CROCC2: variants seen among roughly 807,000 people sequenced by gnomAD.
CROCC2 encodes ciliary rootlet coiled-coil, rootletin family member 2.
Under a neutral mutation model 177.6 loss-of-function variants are expected in CROCC2, and 163 were observed. That is an observed-to-expected ratio of 0.92 (90% CI 0.81 to 1.05). The LOEUF (loss-of-function observed/expected upper bound fraction) is 1.05. CROCC2 is among the 50% of genes least tolerant of loss of function. CROCC2 has a pLI of 0.00. For synonymous variants in CROCC2, 904 were observed against 787.3 expected (o/e 1.15, Z -2.48); for missense variants, 1,929 against 1,797.8 (o/e 1.07, Z -1.32).
chr2:240,907,313 T>C (rs2059262052), intron 1 of CROCC2, among the ~76,000 whole-genome samples: 1 of 152,092 alleles, frequency 6.6e-6, no homozygotes, highest in Admixed American at 6.5e-5. Context: ...GCCTCCCTAC[T>C]TCCCAGAGCC....
Position 240,949,357 on chromosome 2 carries a change from A to G in CROCC2, c.2483-176A>G, listed in dbSNP as rs1265286463. 6.6e-6 allele frequency among the ~76,000 whole-genome samples: 1 copy of G among 152,140 alleles called. No homozygotes were observed. Among genetic ancestry groups the G allele is most frequent in the Admixed American group, 6.5e-5 (1 of 15,282 alleles). On this transcript the variant is annotated intron_variant, in intron 16 of 31. Transcript: ENST00000690015. This position sits in a 1 kb window ranked among gnomAD's most constrained non-coding sequence, Gnocchi z 4.5. ...GCCACAGGGTCAGCATGTAGCCTCC[A>G]GCTGCAGCCCTGTACCCTTGACCCT...
chr2:240,977,385 T>A (rs377667355), intron 27 of CROCC2, among the ~76,000 whole-genome samples: 2 of 406 alleles, frequency 4.9e-3, no homozygotes, highest in South Asian at 0.05. Context: ...TAGGAGCCTC[T>A]GGAGCCCAGG....
intron 20 of CROCC2, among the ~76,000 whole-genome samples, chr2:240,961,558 C>G (rs2059634281): frequency 1.4e-5 from 2 of 140,814 alleles, no homozygotes; most frequent in African/African-American, 5.4e-5. Context: ...ACACACTCAT[C>G]ACACTCACAC....
chr2:240,909,999 G>A (rs374871279), intron 1 of CROCC2, among the ~76,000 whole-genome samples: 14 of 152,126 alleles, frequency 9.2e-5, no homozygotes, highest in East Asian at 3.8e-4. Context: ...TCCCAGGCCC[G>A]GAGAAGCCTC....
intron 1 of CROCC2, among the ~76,000 whole-genome samples, chr2:240,915,359 C>A (rs1165103058): frequency 6.6e-6 from 1 of 152,232 alleles, no homozygotes; most frequent in Non-Finnish European, 1.5e-5. Context: ...GGCAAGATTC[C>A]AGCAGCTTGC....
At chr2:240,926,336 G>A (rs762360950) in intron 5 of CROCC2, among the ~76,000 whole-genome samples, 2 of 152,232 alleles carry the variant, frequency 1.3e-5, no homozygotes, top group Non-Finnish European at 2.9e-5. Flanking sequence ...GAGGCATGCA[G>A]GGGGTCAGGG....
intron 27 of CROCC2, among the ~76,000 whole-genome samples, chr2:240,970,992 C>A (rs2059716615): frequency 6.6e-6 from 1 of 152,182 alleles, no homozygotes; most frequent in African/African-American, 2.4e-5. Flanking sequence ...CATCCGGGCT[C>A]ATCCCAGCGT....
chr2:240,963,329 G>A (rs1186830433), intron 20 of CROCC2: 2 of 524,652 alleles, frequency 3.8e-6, no homozygotes, highest in African/African-American at 1.9e-5. Flanking sequence ...GGCTCAAGGT[G>A]GGGTCTTCTG....
In CROCC2 at chr2:240,965,639, C is replaced by T. The variant is rs1328139886; in HGVS notation, c.3607C>T (p.Leu1203=). ...AKHEGARKEV[L]GLQRKLAEVE... Reference sequence around the variant, plus strand: ...CACCCCAACATCCCTCCTACAGGTCCTGGGATTGCAGAGGAAGTTGGCAGA... The same window carrying T: ...CACCCCAACATCCCTCCTACAGGTCTTGGGATTGCAGAGGAAGTTGGCAGA... Residue 1203 remains leucine (L), a synonymous_variant, in exon 24 of 32, where the codon CTG becomes TTG. Coordinates refer to ENST00000690015, the MANE Select transcript of CROCC2 (RefSeq NM_001351305.2). 1 of 1,550,502 alleles carries T rather than the reference C, an allele frequency of 6.4e-7. No individual in the cohort carries two copies. Among genetic ancestry groups the T allele is most frequent in the Non-Finnish European group, 8.7e-7 (1 of 1,146,984 alleles).
intron 3 of CROCC2, among the ~76,000 whole-genome samples, chr2:240,921,073 G>A (rs1481504800): frequency 1.3e-5 from 2 of 152,302 alleles, no homozygotes; most frequent in East Asian, 1.9e-4. Context: ...CACCATTACT[G>A]GGGCTGAGAT....
In CROCC2 at chr2:240,965,406, AGAG is replaced by A. The variant is rs1485567599; in HGVS notation, c.3498_3500del (p.Arg1166del). 4.5e-6 allele frequency: 7 copies of A among 1,549,662 alleles called. No homozygotes were observed. The highest frequency in any genetic ancestry group is 4.4e-6 in the Non-Finnish European group (5 of 1,146,916). ...GTGAGGACACTGAAGGCCGAGAACCAGAGGAGGAGTGGAGAGGCCCATGAGCTG... is the reference window on the plus strand; with the variant it reads ...GTGAGGACACTGAAGGCCGAGAACCAGAGGAGTGGAGAGGCCCATGAGCTG... On this transcript the variant is annotated inframe_deletion, in exon 23 of 32. Coordinates refer to ENST00000690015, the MANE Select transcript of CROCC2 (RefSeq NM_001351305.2).
chr2:240,934,781 C>T (rs1461041250), intron 12 of CROCC2, 135 bp from the exon 13 acceptor site: 15 of 1,003,362 alleles, frequency 1.5e-5, no homozygotes, highest in Non-Finnish European at 1.7e-5. Flanking sequence ...CCCACTGTGG[C>T]GACCTTCCCA....
At chr2:240,974,345 TA>T (rs2059744083) in intron 27 of CROCC2, among the ~76,000 whole-genome samples, 1 of 131,564 alleles carries the variant, frequency 7.6e-6, no homozygotes, top group Non-Finnish European at 1.6e-5. Context: ...ATTTTTAGTT[TA>T]CTTTTTTTTT....
At chr2:240,933,585 C>T in intron 10 of CROCC2, 85 bp from the exon 11 acceptor site, 1 of 1,409,792 alleles carries the variant, frequency 7.1e-7, no homozygotes. Context: ...GGCTGGCATC[C>T]ACCCAGCCCC....
chr2:240,964,431 G>C lies in CROCC2; in HGVS notation c.3306-35G>C, dbSNP rs60297118. The C allele has an allele frequency of 0.015, 22,461 of 1,547,974 alleles. 2,517 individuals carry two copies. The African/African-American group carries it at 0.26, about 18-fold the overall frequency. On this transcript the variant is annotated intron_variant, in intron 21 of 31. Coordinates refer to ENST00000690015, the MANE Select transcript of CROCC2 (RefSeq NM_001351305.2). ...GGCAGCTGTGCTGGCCCCACCAGGA[G>C]GTGCGGGGGCCCCAGCCTGTGGCAC...
chr2:240,937,181 G>GT (rs1342406868), intron 14 of CROCC2, among the ~76,000 whole-genome samples: 3 of 152,008 alleles, frequency 2.0e-5, no homozygotes, highest in Non-Finnish European at 2.9e-5. Flanking sequence ...GGTATTGTCT[G>GT]TTTTTTTGGG....
chr2:240,930,774 C>A (rs1162643311), intron 6 of CROCC2, among the ~76,000 whole-genome samples, 157 bp from the exon 7 acceptor site: 2 of 152,174 alleles, frequency 1.3e-5, no homozygotes, highest in African/African-American at 4.8e-5. Context: ...AGCTGCCTTC[C>A]TGGTGTTTGG....
intron 7 of CROCC2, 150 bp from the exon 8 acceptor site, chr2:240,932,168 G>A (rs2059435719): frequency 1.6e-6 from 1 of 607,212 alleles, no homozygotes; most frequent in African/African-American, 1.9e-5. Flanking sequence ...CACATGCTCA[G>A]ACCAGGGACA....
In CROCC2 at chr2:240,944,104, A is replaced by G. The variant is rs1206210980; in HGVS notation, c.2170-1956A>G. On this transcript the variant is annotated intron_variant, in intron 14 of 31. Transcript: ENST00000690015. ...TTTTCGCTGGGTATAGAATACTAAA[A>G]TAGCCATTATTTTCTTTCAGAAATT... Among the ~76,000 whole-genome samples the G allele has an allele frequency of 3.3e-5, 5 of 152,356 alleles. No homozygotes were observed. In the East Asian group the frequency reaches 9.6e-4, roughly 29 times the overall value.
Sources: allele counts gnomAD v4.1 joint callset (sites outside exome capture counted in the v4.1 genomes callset), GRCh38; gene constraint gnomAD v4.1.1; non-coding constraint Gnocchi (gnomAD v3.1); transcripts MANE v1.5; gene names NCBI Gene and HGNC (gene_info 2026-07-23, HGNC 2026-07-21).